LCORL: variants seen among roughly 807,000 people sequenced by gnomAD.
LCORL encodes the protein ligand dependent nuclear receptor corepressor like.
LCORL carries 41 observed loss-of-function variants against 141.8 expected under a neutral mutation model. The observed-to-expected ratio is 0.29, with a 90% CI of 0.23 to 0.38. The LOEUF is 0.38. Among genes scored for constraint, LCORL ranks in the 10% least tolerant of loss-of-function variants. The pLI, the probability that LCORL is intolerant of heterozygous loss-of-function variation, is 1.00. For missense variants in LCORL, 1,759 were observed against 2,035.0 expected, an observed-to-expected ratio of 0.86 and a Z score of 2.61; for synonymous variants, 618 against 694.1, an observed-to-expected ratio of 0.89 and a Z score of 1.72.
At chr4:17,908,950 T>C (rs1732082216) in intron 5 of LCORL, 144 bp downstream of exon 5, 2 of 692,510 alleles carry the variant, frequency 2.9e-6, no homozygotes, top group South Asian at 6.2e-5. Context: ...AAATAGGTAC[T>C]TCTCTCCAGC....
chr4:17,885,965 G>A (rs573720143), intron 6 of LCORL, 103 bp downstream of exon 6: 3 of 505,170 alleles, frequency 5.9e-6, no homozygotes, highest in Non-Finnish European at 1.0e-5. Context: ...AAAAATTCTG[G>A]AGGAAAACTA....
Position 18,021,840 on chromosome 4 carries a change from C to T in LCORL, c.-89G>A. The T allele has an allele frequency of 7.2e-7, 1 of 1,382,074 alleles. No individual in the cohort carries two copies. Among genetic ancestry groups the T allele is most frequent in the Non-Finnish European group, 9.3e-7 (1 of 1,071,588 alleles). 85.6% of individuals were successfully genotyped at this position (1,382,074 alleles called of 1,614,324 possible). A position where few individuals can be genotyped will look rare whatever the true frequency, so the allele number is the denominator to read the frequency against. On this transcript the variant is annotated 5_prime_UTR_variant, in exon 1 of 8. Coordinates refer to ENST00000635767, the Ensembl canonical transcript of LCORL. This position sits in a 1 kb window ranked among gnomAD's most constrained non-coding sequence, Gnocchi z 5.5. ...AGCCCTCGGCGCGAGCCCCGGAGCG[C>T]GCGCCCCCCGGAGGGGGGTTGATTG...
At chr4:17,862,769 C>T (rs1352058148) in intron 7 of LCORL, among the ~76,000 whole-genome samples, 1 of 152,148 alleles carries the variant, frequency 6.6e-6, no homozygotes, top group African/African-American at 2.4e-5. Flanking sequence ...AGTATAAAAA[C>T]CCTGGAGGAT....
At chr4:17,852,531 A>G (rs1560251939) in intron 7 of LCORL, among the ~76,000 whole-genome samples, 2 of 152,172 alleles carry the variant, frequency 1.3e-5, no homozygotes, top group African/African-American at 2.4e-5. Context: ...TGTTTTGGTG[A>G]AAAGAGAAAG....
chr4:17,845,863 GAC>G (rs1446215560), exon 8 of LCORL: 3 of 1,612,558 alleles, frequency 1.9e-6, no homozygotes, highest in Admixed American at 1.7e-5. Flanking sequence ...ATTCTCATCA[GAC>G]ACATTCAGTT....
intron 5 of LCORL, among the ~76,000 whole-genome samples, chr4:17,895,204 T>A (rs1729729508): frequency 6.6e-6 from 1 of 152,086 alleles, no homozygotes; most frequent in African/African-American, 2.4e-5. Flanking sequence ...TTAGCTGTTT[T>A]GAACTATGTT....
intron 7 of LCORL, chr4:17,867,025 G>A: frequency 1.2e-5 from 12 of 980,704 alleles, no homozygotes; most frequent in East Asian, 1.1e-4. Context: ...AGGTCTGGAG[G>A]CTGCAGGGAG....
chr4:17,884,592 C>T lies in LCORL; in HGVS notation c.776+1476G>A. 6.5e-7 allele frequency: 1 copy of T among 1,545,514 alleles called. No individual in the cohort carries two copies. The highest frequency in any genetic ancestry group is 8.7e-7 in the Non-Finnish European group (1 of 1,144,926). On this transcript the variant is annotated intron_variant, in intron 6 of 7. Transcript: ENST00000635767. This position sits in a 1 kb window ranked among gnomAD's most constrained non-coding sequence, Gnocchi z 4.4. ...GCAGGCTTCCCTGCTGGTAAGGCTT[C>T]TAAGTGAAGAAGTAAAGTTTTTTGA...
intron 4 of LCORL, among the ~76,000 whole-genome samples, chr4:17,922,073 G>A (rs1734384088): frequency 6.6e-6 from 1 of 152,140 alleles, no homozygotes; most frequent in Admixed American, 6.5e-5. Context: ...TCTGCAGCTT[G>A]CAGACAGCCT....
intron 4 of LCORL, among the ~76,000 whole-genome samples, chr4:17,940,210 A>G (rs1427511916): frequency 1.4e-5 from 2 of 144,354 alleles, no homozygotes; most frequent in Non-Finnish European, 3.0e-5. Flanking sequence ...ATATACAGGT[A>G]GATATATATG....
At chr4:17,941,257 T>A (rs1225694625) in intron 4 of LCORL, among the ~76,000 whole-genome samples, 2 of 152,054 alleles carry the variant, frequency 1.3e-5, no homozygotes, top group African/African-American at 4.8e-5. Flanking sequence ...GCACCTATAG[T>A]CCCACCTACT....
intron 4 of LCORL, among the ~76,000 whole-genome samples, chr4:17,918,407 A>C (rs917914887): frequency 6.6e-6 from 1 of 152,238 alleles, no homozygotes; most frequent in African/African-American, 2.4e-5. Context: ...GACAAAAAAA[A>C]CTTTAAATCA....
At chr4:17,973,887 T>A (rs375453940) in intron 1 of LCORL, among the ~76,000 whole-genome samples, 88 of 152,172 alleles carry the variant, frequency 5.8e-4, no homozygotes, top group African/African-American at 2.0e-3. Context: ...AAACATGAAC[T>A]ACTGATGCAT....
Position 17,983,122 on chromosome 4 carries a change from A to G in LCORL, c.155-10237T>C, listed in dbSNP as rs749838016. 1.1e-4 allele frequency among the ~76,000 whole-genome samples: 16 copies of G among 152,234 alleles called. 1 individual carries two copies. In the East Asian group the frequency reaches 1.2e-3, roughly 11 times the overall value. On this transcript the variant is annotated intron_variant, in intron 1 of 7. Transcript: ENST00000635767. ...GCTCTCTATTCCATCCAATTGGTCT[A>G]TATGTCTAGTTCTGTATCAGTACCA...
exon 7 of LCORL, chr4:17,873,576 T>C (rs993638683): frequency 3.0e-5 from 37 of 1,233,748 alleles, no homozygotes; most frequent in Non-Finnish European, 3.5e-5. Flanking sequence ...GCCAAGATGG[T>C]CAGCAAATTC....
At chr4:18,011,791 G>A (rs2109875321) in intron 1 of LCORL, among the ~76,000 whole-genome samples, 1 of 152,246 alleles carries the variant, frequency 6.6e-6, no homozygotes, top group Non-Finnish European at 1.5e-5. Context: ...AGACCAGATG[G>A]CCCACAAAGC....
chr4:18,013,757 G>T (rs1724178323), intron 1 of LCORL, among the ~76,000 whole-genome samples: 1 of 151,948 alleles, frequency 6.6e-6, no homozygotes, highest in South Asian at 2.1e-4. Context: ...AATTAATGGA[G>T]AAAGCTCTTA....
intron 1 of LCORL, among the ~76,000 whole-genome samples, chr4:18,013,549 T>A (rs1290949622): frequency 6.6e-6 from 1 of 152,184 alleles, no homozygotes; most frequent in African/African-American, 2.4e-5. Flanking sequence ...AAAAGTGGAA[T>A]GATTTGTGCC....
rs943265098 is a variant in LCORL at position 17,893,343 on chromosome 4, T to C, written c.683-7182A>G. 2.9e-5 allele frequency: 27 copies of C among 932,136 alleles called. No homozygotes were observed. The African/African-American group carries it at 4.6e-4, about 16-fold the overall frequency. The allele number at this position is 932,136 out of a possible 1,614,324, so 57.7% of individuals were successfully genotyped here. On this transcript the variant is annotated intron_variant, in intron 5 of 7. Coordinates refer to ENST00000635767, the Ensembl canonical transcript of LCORL. ...ATTTATATATACAAGACACACAATA[T>C]GTGATCCTTCCATACTATTGAGCTA...
Sources: allele counts gnomAD v4.1 joint callset (sites outside exome capture counted in the v4.1 genomes callset), GRCh38; gene constraint gnomAD v4.1.1; non-coding constraint Gnocchi (gnomAD v3.1); transcripts MANE v1.5; gene names NCBI Gene and HGNC (gene_info 2026-07-23, HGNC 2026-07-21).